The following ALPK2 variants were observed in gnomAD, a reference collection of about 807,000 sequenced individuals.
ALPK2 encodes alpha kinase 2.
In ALPK2, 127 loss-of-function variants were observed where a neutral mutation model predicts 163.1. The ratio of observed to expected loss-of-function variants is 0.78; its 90% CI spans 0.67 to 0.90. The LOEUF (loss-of-function observed/expected upper bound fraction) is 0.90, where lower values mean the gene tolerates loss of function less well. Among genes scored for constraint, ALPK2 ranks in the 40% least tolerant of loss-of-function variants. The probability of loss-of-function intolerance (pLI) is 0.00; values close to 1 mark genes in which losing one functional copy is unlikely to be tolerated. For missense variants in ALPK2, 2,360 were observed against 2,589.6 expected, an observed-to-expected ratio of 0.91 and a Z score of 1.92; for synonymous variants, 953 against 959.1, an observed-to-expected ratio of 0.99 and a Z score of 0.12.
chr18:58,604,441 C>T lies in ALPK2; in HGVS notation c.227+2881G>A, dbSNP rs2052087727. Among the ~76,000 whole-genome samples the T allele has an allele frequency of 4.6e-5, 7 of 152,292 alleles. 1 individual carries two copies. The South Asian group carries it at 8.3e-4, about 18-fold the overall frequency. On this transcript the variant is annotated intron_variant, in intron 3 of 12. Coordinates refer to ENST00000361673, the MANE Select transcript of ALPK2 (RefSeq NM_052947.4). ...TAGGACGTAGAGCGTGTCTCAGTTT[C>T]GGCAAAACACTGGAATCACCTGGGA...
chr18:58,529,106 G>A lies in ALPK2; in HGVS notation c.5486C>T (p.Ala1829Val). Residue 1829 changes from alanine (A) to valine (V), a missense_variant, in exon 6 of 13, where the codon GCC (alanine) becomes GTC (valine). By Grantham distance (64) the Ala-to-Val change is moderately conservative. Coordinates refer to ENST00000361673, the MANE Select transcript of ALPK2 (RefSeq NM_052947.4). ...AACATCGCACCTTCTCTGCACTTGG[G>A]CTATGGACTTTGAATCTTTTGTCCA... Reference protein sequence around the residue: ...ICWTKDSKSIAQVQRSAGDNS... With the variant: ...ICWTKDSKSIVQVQRSAGDNS... 6.2e-7 allele frequency: 1 copy of A among 1,614,052 alleles called. No homozygotes were observed. Among genetic ancestry groups the A allele is most frequent in the Non-Finnish European group, 8.5e-7 (1 of 1,179,970 alleles).
At chr18:58,546,400 CTT>C (rs111730829) in intron 4 of ALPK2, among the ~76,000 whole-genome samples, 1 of 152,136 alleles carries the variant, frequency 6.6e-6, no homozygotes, top group Non-Finnish European at 1.5e-5. Context: ...CAGTGGGAGT[CTT>C]TGCCTGGTGA....
intron 2 of ALPK2, among the ~76,000 whole-genome samples, chr18:58,610,892 C>T (rs2144231414): frequency 6.6e-6 from 1 of 152,102 alleles, no homozygotes; most frequent in South Asian, 2.1e-4. Context: ...GTCAGGAGTT[C>T]AAGACCAGCC....
chr18:58,621,102 G>A (rs1237976610), intron 1 of ALPK2, among the ~76,000 whole-genome samples: 1 of 150,952 alleles, frequency 6.6e-6, no homozygotes, highest in African/African-American at 2.4e-5. Context: ...GCAGTGAGCC[G>A]TGACTGCACC....
intron 1 of ALPK2, among the ~76,000 whole-genome samples, chr18:58,617,678 T>C (rs1224679399): frequency 6.6e-6 from 1 of 152,200 alleles, no homozygotes; most frequent in Admixed American, 6.5e-5. Flanking sequence ...CATATAATCA[T>C]CTAAATATAT....
rs199872766 is a variant in ALPK2 at position 58,579,406 on chromosome 18, G to A, written c.1370C>T (p.Ala457Val). Residue 457 changes from alanine to valine, a missense_variant, in exon 4 of 13, where the codon GCT becomes GTT. Ala to Val is a moderately conservative substitution (Grantham distance 64). Transcript: ENST00000361673. The part of the protein sequence containing the change: ...GRYKLPTAPE[A>V]AENDYPGIQG... Reference sequence around the variant, plus strand: ...AATTCCTGGATAATCATTTTCAGCAGCCTCGGGAGCAGTGGGGAGTTTATA... The same window carrying A: ...AATTCCTGGATAATCATTTTCAGCAACCTCGGGAGCAGTGGGGAGTTTATA... The A allele has an allele frequency of 4.4e-5, 71 of 1,614,130 alleles. No homozygotes were observed. In the East Asian group the frequency reaches 1.5e-3, roughly 34 times the overall value.
At position 58,596,162 on chromosome 18, in the gene ALPK2, G is replaced by C. The variant is rs190064082; in HGVS notation, c.227+11160C>G. Among the ~76,000 whole-genome samples, 1,222 of 152,334 alleles carry C rather than the reference G, an allele frequency of 8.0e-3. 7 individuals are homozygous for C. The highest frequency in any genetic ancestry group is 0.014 in the Admixed American group (213 of 15,306). On this transcript the variant is annotated intron_variant, in intron 3 of 12. Transcript: ENST00000361673. The stretch of plus-strand genomic sequence containing the variant: ...CAGAAAGGGGGAATGAGCAAAACCA[G>C]GTCTGAGAATTTCTCTCCCAAAAGC...
chr18:58,541,547 C>T (rs927466994), intron 4 of ALPK2, among the ~76,000 whole-genome samples: 4 of 152,204 alleles, frequency 2.6e-5, no homozygotes, highest in Non-Finnish European at 5.9e-5. Flanking sequence ...TGAATCTCCA[C>T]ATGTAAAAAA....
intron 6 of ALPK2, among the ~76,000 whole-genome samples, chr18:58,527,103 A>G (rs1176424931): frequency 1.3e-5 from 2 of 151,212 alleles, no homozygotes; most frequent in African/African-American, 4.9e-5. Context: ...AACTCTTGCC[A>G]TTGTACAGGT....
intron 6 of ALPK2, among the ~76,000 whole-genome samples, chr18:58,524,775 C>G (rs976049257): frequency 2.0e-5 from 3 of 152,136 alleles, no homozygotes; most frequent in Non-Finnish European, 4.4e-5. Flanking sequence ...GTTTACTATT[C>G]TCAGTTTGCA....
chr18:58,529,661 C>T (rs545939340), intron 5 of ALPK2, among the ~76,000 whole-genome samples: 6 of 152,316 alleles, frequency 3.9e-5, no homozygotes, highest in East Asian at 1.9e-4. Context: ...CAAAAAACTA[C>T]GGCTAAGCCC....
intron 10 of ALPK2, among the ~76,000 whole-genome samples, chr18:58,508,059 G>A (rs2051470430): frequency 6.6e-6 from 1 of 152,014 alleles, no homozygotes; most frequent in Non-Finnish European, 1.5e-5. Flanking sequence ...GGATCAGCTG[G>A]TACCACCCAG....
At position 58,514,957 on chromosome 18, in the gene ALPK2, C is replaced by G. The variant is rs755442886; in HGVS notation, c.6029+36G>C. 3.9e-6 allele frequency: 6 copies of G among 1,548,806 alleles called. No individual in the cohort carries two copies. In the Admixed American group the frequency reaches 6.9e-5, roughly 18 times the overall value. On this transcript the variant is annotated intron_variant, in intron 10 of 12. Transcript: ENST00000361673. ...TCGTCCCTCCTAGTCCCCAACGAGT[C>G]AGGAGTGTGACACAAGGCAGGGTAA...
intron 3 of ALPK2, 123 bp downstream of exon 3, chr18:58,607,199 G>A (rs768336462): frequency 8.4e-6 from 5 of 598,092 alleles, no homozygotes; most frequent in Non-Finnish European, 1.4e-5. Flanking sequence ...CCTGCCAATG[G>A]CATCTAAAAT....
At chr18:58,540,609 A>G (rs1202823898) in intron 4 of ALPK2, among the ~76,000 whole-genome samples, 1 of 152,242 alleles carries the variant, frequency 6.6e-6, no homozygotes, top group Non-Finnish European at 1.5e-5. Context: ...CACAGAAAAC[A>G]TGGGGAACTT....
intron 11 of ALPK2, among the ~76,000 whole-genome samples, chr18:58,499,984 A>G (rs2051423361): frequency 6.6e-6 from 1 of 152,256 alleles, no homozygotes; most frequent in South Asian, 2.1e-4. Context: ...ATTCAGCGTT[A>G]TCTGCTGGGA....
At chr18:58,523,774 T>C in intron 8 of ALPK2, 32 bp downstream of exon 8, 1 of 1,614,108 alleles carries the variant, frequency 6.2e-7, no homozygotes, top group Non-Finnish European at 8.5e-7. Context: ...GTAAGCCCAT[T>C]TCCTCTGGCA....
rs981617559 is a variant in ALPK2 at position 58,538,252 on chromosome 18, G to T, written c.1963-28C>A. ...AGGAAGATGAAAAGTGATATTAGTA[G>T]AATTGTTCATGGGAGAGCCCACAAT... On this transcript the variant is annotated intron_variant, in intron 4 of 12. Transcript: ENST00000361673. 2.5e-6 allele frequency: 4 copies of T among 1,583,738 alleles called. No individual in the cohort carries two copies. In the Admixed American group the frequency reaches 6.8e-5, roughly 27 times the overall value.
intron 5 of ALPK2, among the ~76,000 whole-genome samples, chr18:58,533,857 G>A (rs2144143439): frequency 6.6e-6 from 1 of 152,258 alleles, no homozygotes; most frequent in African/African-American, 2.4e-5. Context: ...TCTGCAACAG[G>A]GGTTAGGACC....
Sources: allele counts gnomAD v4.1 joint callset (sites outside exome capture counted in the v4.1 genomes callset), GRCh38; gene constraint gnomAD v4.1.1; transcripts MANE v1.5; gene names NCBI Gene and HGNC (gene_info 2026-07-23, HGNC 2026-07-21).